Variants in EPN2 observed in about 807,000 individuals in gnomAD.
The protein encoded by EPN2 is epsin 2.
In EPN2, 34 loss-of-function variants were observed where a neutral mutation model predicts 61.7. That is an observed-to-expected ratio of 0.55 (90% CI 0.42 to 0.73). The LOEUF is 0.73. EPN2 is among the 30% of genes least tolerant of loss of function. EPN2 has a pLI of 0.00. For synonymous variants in EPN2, 349 were observed against 353.6 expected, an observed-to-expected ratio of 0.99 and a Z score of 0.15; for missense variants, 714 against 839.2, an observed-to-expected ratio of 0.85 and a Z score of 1.84.
chr17:19,303,070 A>T (rs1905613458), intron 4 of EPN2, among the ~76,000 whole-genome samples: 1 of 152,236 alleles, frequency 6.6e-6, no homozygotes, highest in Non-Finnish European at 1.5e-5. Flanking sequence ...AGCACAAGAA[A>T]ATGTGAACAG....
At chr17:19,305,428 T>C (rs1192788146) in intron 4 of EPN2, among the ~76,000 whole-genome samples, 5 of 152,194 alleles carry the variant, frequency 3.3e-5, no homozygotes, top group African/African-American at 1.2e-4. Context: ...ATGCCTAGCC[T>C]ACATTTGTGT....
intron 1 of EPN2, among the ~76,000 whole-genome samples, chr17:19,279,488 G>T (rs1450164151): frequency 1.3e-5 from 2 of 151,894 alleles, no homozygotes; most frequent in African/African-American, 4.8e-5. Flanking sequence ...ACCCAGGCTG[G>T]AGTGCAGTGG....
rs1907339356 is a variant in EPN2, at chr17:19,335,101, T to C, written c.*847T>C. 1 of 218,066 alleles carries C rather than the reference T, an allele frequency of 4.6e-6. No homozygotes were observed. Among genetic ancestry groups the C allele is most frequent in the African/African-American group, 2.3e-5 (1 of 44,054 alleles). The allele number at this position is 218,066 out of a possible 1,614,324, so 13.5% of individuals were successfully genotyped here. On this transcript the variant is annotated 3_prime_UTR_variant, in exon 11 of 11. Coordinates refer to ENST00000314728, the MANE Select transcript of EPN2 (RefSeq NM_014964.5). ...TTTGGATGACAAAAAAATGCCTTAT[T>C]GAAAAACTAAAGCAAATTCTTTATA...
chr17:19,243,542 G>A (rs1390247590), intron 1 of EPN2, among the ~76,000 whole-genome samples: 1 of 151,712 alleles, frequency 6.6e-6, no homozygotes, highest in East Asian at 1.9e-4. Context: ...ACAGGCACCC[G>A]CCACCACACC....
At chr17:19,292,576 C>A (rs1446979499) in intron 4 of EPN2, among the ~76,000 whole-genome samples, 1 of 152,246 alleles carries the variant, frequency 6.6e-6, no homozygotes, top group African/African-American at 2.4e-5. Flanking sequence ...GGAAGCTGAT[C>A]AGTAACATGA....
chr17:19,237,768 C>T (rs1462365674), intron 1 of EPN2, among the ~76,000 whole-genome samples: 1 of 151,946 alleles, frequency 6.6e-6, no homozygotes, highest in Non-Finnish European at 1.5e-5. Flanking sequence ...CTGGATCCAG[C>T]TTTCCGCTGC....
In EPN2 at chr17:19,334,144, G is replaced by A. The variant is rs1226918499; in HGVS notation, c.1816G>A (p.Gly606Ser). Residue 606 changes from glycine to serine, a missense_variant, in exon 11 of 11, where the codon GGT becomes AGT. This residue lies in a region of EPN2 where 410 missense variants were observed against 421.8 expected (regional missense o/e 0.97). Transcript: ENST00000314728. The surrounding 1 kb of genome is among the most constrained non-coding windows in gnomAD (Gnocchi z 4.9). ...CCCACAGCCAGCTCTGGGGGCCACT[G>A]GTTCCTCTCTGACACCACTGGGCCC... ...AAPQPALGAT[G>S]SSLTPLGPAM... is the part of the protein sequence containing the mutation. 1 of 1,605,224 alleles carries A rather than the reference G, an allele frequency of 6.2e-7. No homozygotes were observed. The highest frequency in any genetic ancestry group is 8.5e-7 in the Non-Finnish European group (1 of 1,175,546).
At chr17:19,270,123 TTCC>T (rs1266445686) in intron 1 of EPN2, among the ~76,000 whole-genome samples, 1 of 152,180 alleles carries the variant, frequency 6.6e-6, no homozygotes, top group East Asian at 1.9e-4. Context: ...TGCTTCACTT[TTCC>T]TCCTCTGTAA....
chr17:19,239,412 A>G (rs908741915), intron 1 of EPN2, among the ~76,000 whole-genome samples: 1 of 152,314 alleles, frequency 6.6e-6, no homozygotes, highest in African/African-American at 2.4e-5. Flanking sequence ...TCGGCCTCCC[A>G]AAGTGCTGGG....
chr17:19,323,755 AAAC>A (rs1453017023), intron 7 of EPN2, among the ~76,000 whole-genome samples: 16 of 152,358 alleles, frequency 1.1e-4, no homozygotes, highest in African/African-American at 3.1e-4. Context: ...TTAAATTTGG[AAAC>A]AACAACAGCA....
At chr17:19,300,427 C>CTTTTTTTT (rs72338416) in intron 4 of EPN2, among the ~76,000 whole-genome samples, 1 of 108,936 alleles carries the variant, frequency 9.2e-6, no homozygotes, top group Non-Finnish European at 1.7e-5. Flanking sequence ...AACTGTAAAT[C>CTTTTTTTT]TTTTTTTTTT....
chr17:19,319,632 CTTTT>C lies in EPN2; in HGVS notation c.1147+6360_1147+6363del, dbSNP rs1194160621. 2.0e-5 allele frequency among the ~76,000 whole-genome samples: 3 copies of C among 147,758 alleles called. No homozygotes were observed. In the South Asian group the frequency reaches 6.4e-4, roughly 32 times the overall value. ...AGGCGTGAGCCACCTCGCCTGGCCC[CTTTT>C]TTTTTTATTTTTTATTTTTATTTTT... is the stretch of plus-strand genomic sequence containing the variant. On this transcript the variant is annotated intron_variant, in intron 7 of 10. Coordinates refer to ENST00000314728, the MANE Select transcript of EPN2 (RefSeq NM_014964.5).
rs202001045 is a variant in EPN2, at chr17:19,283,679, G to A, written c.560G>A (p.Gly187Asp). 17 of 1,608,534 alleles carry A rather than the reference G, an allele frequency of 1.1e-5. No individual in the cohort carries two copies. Among genetic ancestry groups the A allele is most frequent in the Non-Finnish European group, 1.4e-5 (16 of 1,176,880 alleles). Residue 187 changes from glycine (G) to aspartate (D), a missense_variant, in exon 3 of 11, where the codon GGC becomes GAC. Around this residue, in one of 2 missense-constraint regions of EPN2, gnomAD observed 304 missense variants for 417.4 expected, o/e 0.73. Transcript: ENST00000314728. This position sits in a 1 kb window ranked among gnomAD's most constrained non-coding sequence, Gnocchi z 7.0. ...ACCAGCCACTCGGAGCAGGAGTATG[G>A]CAAGGCCGGGGGCTCCCCGGCCTCC... ...LSTSHSEQEY[G>D]KAGGSPASYH...
rs377018514 is a variant in EPN2 at position 19,250,822 on chromosome 17, A to G, written c.-294+13291A>G. On this transcript the variant is annotated intron_variant, in intron 1 of 10. Coordinates refer to ENST00000314728, the MANE Select transcript of EPN2 (RefSeq NM_014964.5). ...GCTGAGTTTGTCTACCTTTCTGTTCATACCCTGCTACTTGCCCCCCTGCAC... is the reference window on the plus strand; with the variant it reads ...GCTGAGTTTGTCTACCTTTCTGTTCGTACCCTGCTACTTGCCCCCCTGCAC... Among the ~76,000 whole-genome samples the G allele has an allele frequency of 2.4e-4, 36 of 152,030 alleles. 1 individual carries two copies. The East Asian group carries it at 2.5e-3, about 11-fold the overall frequency.
chr17:19,258,297 GCT>G (rs1287727550), intron 1 of EPN2, among the ~76,000 whole-genome samples: 5 of 152,140 alleles, frequency 3.3e-5, no homozygotes, highest in Admixed American at 2.0e-4. Flanking sequence ...AACACTTACT[GCT>G]CTCTGGGCTT....
At chr17:19,291,112 C>T (rs1310832579) in intron 4 of EPN2, among the ~76,000 whole-genome samples, 2 of 152,170 alleles carry the variant, frequency 1.3e-5, no homozygotes, top group Non-Finnish European at 2.9e-5. Flanking sequence ...TCAATAGATA[C>T]CAGAAGAAAT....
chr17:19,263,371 G>A (rs1279218125), intron 1 of EPN2, among the ~76,000 whole-genome samples: 1 of 152,192 alleles, frequency 6.6e-6, no homozygotes, highest in Admixed American at 6.5e-5. Flanking sequence ...AAGTCATTCC[G>A]GAAAGCGTTC....
In EPN2 at chr17:19,320,261, T is replaced by C. The variant is rs562795578; in HGVS notation, c.1147+6982T>C. 3.3e-5 allele frequency among the ~76,000 whole-genome samples: 5 copies of C among 152,318 alleles called. No individual in the cohort carries two copies. In the South Asian group the frequency reaches 1.0e-3, roughly 32 times the overall value. Reference sequence around the variant, plus strand: ...CATTGATGGCTGCCTGTGACCCGCATGCTGGCTGTAGTGGCTGTCTGTTTC... The same window carrying C: ...CATTGATGGCTGCCTGTGACCCGCACGCTGGCTGTAGTGGCTGTCTGTTTC... On this transcript the variant is annotated intron_variant, in intron 7 of 10. Transcript: ENST00000314728.
chr17:19,242,684 C>G (rs541575456), intron 1 of EPN2, among the ~76,000 whole-genome samples: 2 of 152,272 alleles, frequency 1.3e-5, no homozygotes, highest in Admixed American at 6.5e-5. Flanking sequence ...CAAAGCAATA[C>G]AAGGAATTGG....
Sources: allele counts gnomAD v4.1 joint callset (sites outside exome capture counted in the v4.1 genomes callset), GRCh38; gene constraint gnomAD v4.1.1; regional missense constraint gnomAD v4.1.1; non-coding constraint Gnocchi (gnomAD v3.1); transcripts MANE v1.5; gene names NCBI Gene and HGNC (gene_info 2026-07-23, HGNC 2026-07-21).